The following HIVEP3 variants were observed in gnomAD, a reference collection of about 807,000 sequenced individuals.
HIVEP3 encodes the protein transcription factor HIVEP3.
Under a neutral mutation model 152.8 loss-of-function variants are expected in HIVEP3, and 49 were observed. That is an observed-to-expected ratio of 0.32 (90% confidence interval 0.26 to 0.41). HIVEP3 has a LOEUF of 0.41. HIVEP3 is among the 10% of genes least tolerant of loss of function. The pLI is 1.00. For missense variants in HIVEP3, 2,790 were observed against 3,103.3 expected (o/e 0.90, Z 2.40); for synonymous variants, 1,269 against 1,289.0 (o/e 0.98, Z 0.33).
intron 2 of HIVEP3, among the ~76,000 whole-genome samples, chr1:41,689,498 A>G (rs1439061811): frequency 6.6e-6 from 1 of 152,134 alleles, no homozygotes; most frequent in Non-Finnish European, 1.5e-5. Context: ...AGTAACCAGG[A>G]CTTTCCATTT....
Position 41,581,462 on chromosome 1 carries a change from C to T in HIVEP3, c.3336G>A (p.Gly1112=), listed in dbSNP as rs776783435. Residue 1112 remains glycine, a synonymous_variant, in exon 4 of 9, where the codon GGG becomes GGA. Transcript: ENST00000372583. The surrounding 1 kb of genome is among the most constrained non-coding windows in gnomAD (Gnocchi z 4.5). The part of the protein sequence containing the change: ...KGPGQDRPPL[G]PTVPYTEALQ... ...GTGCTTCTGTGTAGGGCACAGTGGG[C>T]CCCAATGGGGGCCTGTCCTGCCCTG... 2 of 1,575,074 alleles carry T rather than the reference C, an allele frequency of 1.3e-6. No individual in the cohort carries two copies. The highest frequency in any genetic ancestry group is 2.2e-5 in the East Asian group (1 of 44,666).
At chr1:41,592,771 A>T (rs1644605771) in intron 3 of HIVEP3, among the ~76,000 whole-genome samples, 1 of 152,210 alleles carries the variant, frequency 6.6e-6, no homozygotes, top group Non-Finnish European at 1.5e-5. Context: ...GCTCACCTAT[A>T]ACATTCTAAC....
At chr1:41,908,511 C>T (rs16828874) in intron 1 of HIVEP3, among the ~76,000 whole-genome samples, 5,464 of 152,204 alleles carry the variant, frequency 0.036, 310 homozygotes, top group African/African-American at 0.12. Context: ...TTAAATAGAC[C>T]AGTCACTGTA....
chr1:41,722,403 G>GCCTTCCTTCCTTCCTTCCTT lies in HIVEP3; in HGVS notation c.-800-21428_-800-21409dup, dbSNP rs374319014. ...GAGATCAGCAAAATAAATTTGGCTG[G>GCCTTCCTTCCTTCCTTCCTT]CCTTCCTTCCTTCCTTCCTTCCTTC... On this transcript the variant is annotated intron_variant, in intron 1 of 8. Transcript: ENST00000372583. Among the ~76,000 whole-genome samples the GCCTTCCTTCCTTCCTTCCTT allele has an allele frequency of 1.1e-3, 123 of 113,046 alleles. 2 individuals carry two copies. The highest frequency in any genetic ancestry group is 3.9e-3 in the African/African-American group (109 of 27,628). 74.2% of individuals were successfully genotyped at this position (113,046 alleles called of 152,430 possible).
chr1:41,720,232 C>T (rs1646655577), intron 1 of HIVEP3, among the ~76,000 whole-genome samples: 1 of 152,234 alleles, frequency 6.6e-6, no homozygotes, highest in African/African-American at 2.4e-5. Context: ...AGGACACCAC[C>T]TCTGAGTGGG....
Position 41,568,845 on chromosome 1 carries a change from T to C in HIVEP3, c.5207+6699A>G, listed in dbSNP as rs117051271. On this transcript the variant is annotated intron_variant, in intron 5 of 8. Coordinates refer to ENST00000372583, the MANE Select transcript of HIVEP3 (RefSeq NM_024503.5). ...CTGATATGGTTTGGATCTGTGTCCC[T>C]GCCCAAATCTCATGTCAAATTGTAA... 4.6e-4 allele frequency among the ~76,000 whole-genome samples: 70 copies of C among 152,334 alleles called. No homozygotes were observed. In the East Asian group the frequency reaches 0.012, roughly 25 times the overall value.
In HIVEP3 at chr1:41,744,321, G is replaced by C. The variant is rs1332642773; in HGVS notation, c.-800-43326C>G. Among the ~76,000 whole-genome samples the C allele has an allele frequency of 2.6e-5, 4 of 152,208 alleles. No homozygotes were observed. The East Asian group carries it at 7.7e-4, about 29-fold the overall frequency. On this transcript the variant is annotated intron_variant, in intron 1 of 8. Coordinates refer to ENST00000372583, the MANE Select transcript of HIVEP3 (RefSeq NM_024503.5). Reference sequence around the variant, plus strand: ...CCCAAAGTGCTGGGATTACAGGTGTGAGCCATCACGCCTGGCCCAGCCAGC... The same window carrying C: ...CCCAAAGTGCTGGGATTACAGGTGTCAGCCATCACGCCTGGCCCAGCCAGC...
At chr1:41,892,757 A>G (rs921085007) in intron 1 of HIVEP3, among the ~76,000 whole-genome samples, 5 of 152,138 alleles carry the variant, frequency 3.3e-5, no homozygotes, top group Admixed American at 1.3e-4. Flanking sequence ...AACTCAAACC[A>G]GCCACATAGC....
intron 5 of HIVEP3, among the ~76,000 whole-genome samples, chr1:41,562,553 CCTTCTTTCCTT>C (rs1644084671): frequency 6.9e-6 from 1 of 145,886 alleles, no homozygotes; most frequent in South Asian, 2.2e-4. Flanking sequence ...TTCCTTCCTT[CCTTCTTTCCTT>C]CTTTCCTTCT....
intron 2 of HIVEP3, among the ~76,000 whole-genome samples, chr1:41,691,424 A>T (rs1424236457): frequency 6.6e-6 from 1 of 152,218 alleles, no homozygotes; most frequent in African/African-American, 2.4e-5. Context: ...TCCAAAATTC[A>T]TATGTTGAAA....
At chr1:41,843,919 G>C (rs1643362770) in intron 1 of HIVEP3, among the ~76,000 whole-genome samples, 2 of 151,444 alleles carry the variant, frequency 1.3e-5, no homozygotes, top group South Asian at 4.2e-4. Flanking sequence ...CGTGTGTGGG[G>C]CCTCCACAAC....
intron 5 of HIVEP3, among the ~76,000 whole-genome samples, chr1:41,551,225 C>T (rs1643890260): frequency 6.6e-6 from 1 of 152,196 alleles, no homozygotes; most frequent in Non-Finnish European, 1.5e-5. Context: ...AGGGATGAAG[C>T]CACGTTGATC....
chr1:41,663,515 C>T (rs1391362464), intron 2 of HIVEP3, among the ~76,000 whole-genome samples: 1 of 152,220 alleles, frequency 6.6e-6, no homozygotes, highest in Non-Finnish European at 1.5e-5. Flanking sequence ...ATGCCCTCAA[C>T]TTCTCTAGGC....
chr1:41,745,926 G>T (rs944621781), intron 1 of HIVEP3, among the ~76,000 whole-genome samples: 2 of 152,198 alleles, frequency 1.3e-5, no homozygotes, highest in Non-Finnish European at 2.9e-5. Context: ...ATGATGCCTG[G>T]CATCAAGAAT....
At chr1:41,661,722 C>A (rs1285585381) in intron 2 of HIVEP3, among the ~76,000 whole-genome samples, 2 of 152,228 alleles carry the variant, frequency 1.3e-5, no homozygotes, top group African/African-American at 4.8e-5. Context: ...CCGGGTGTGC[C>A]GTGTCCCACG....
At chr1:41,526,424 ACTCACCCTCATACG>A in intron 5 of HIVEP3, among the ~76,000 whole-genome samples, 1 of 106,210 alleles carries the variant, frequency 9.4e-6, no homozygotes, top group Non-Finnish European at 1.9e-5. Context: ...TCACCCTCAC[ACTCACCCTCATACG>A]CTCACCCTCA....
At chr1:41,641,711 G>C (rs1022208596) in intron 2 of HIVEP3, among the ~76,000 whole-genome samples, 4 of 152,210 alleles carry the variant, frequency 2.6e-5, no homozygotes, top group Non-Finnish European at 4.4e-5. Context: ...CTGCTTACAG[G>C]GGGTGACAGG....
At position 41,581,023 on chromosome 1, in the gene HIVEP3, G is replaced by A. The variant is rs148193650; in HGVS notation, c.3775C>T (p.Pro1259Ser). The change falls in exon 4 of 9, where the codon CCC (proline) becomes TCC (serine). Residue 1259 changes from proline to serine, a missense_variant. Coordinates refer to ENST00000372583, the MANE Select transcript of HIVEP3 (RefSeq NM_024503.5). The surrounding 1 kb of genome is among the most constrained non-coding windows in gnomAD (Gnocchi z 4.5). ...GGGGCCAGGCTGGTTTTGATCTGGG[G>A]CAGATGGCTTTCCACATCACCAGGG... ...QLPGDVESHL[P>S]QIKTSLAPLA... The A allele has an allele frequency of 7.1e-6, 11 of 1,558,602 alleles. No individual in the cohort carries two copies. In the East Asian group the frequency reaches 2.5e-4, roughly 35 times the overall value.
chr1:41,555,081 G>A (rs951474177), intron 5 of HIVEP3, among the ~76,000 whole-genome samples: 1 of 152,238 alleles, frequency 6.6e-6, no homozygotes, highest in African/African-American at 2.4e-5. Flanking sequence ...CTTTTGTTCA[G>A]CTATGCCCTG....
Sources: allele counts gnomAD v4.1 joint callset (sites outside exome capture counted in the v4.1 genomes callset), GRCh38; gene constraint gnomAD v4.1.1; non-coding constraint Gnocchi (gnomAD v3.1); transcripts MANE v1.5; gene names NCBI Gene and HGNC (gene_info 2026-07-23, HGNC 2026-07-21).